The following RBFOX1 variants were observed in gnomAD, a reference collection of about 807,000 sequenced individuals.
The protein encoded by RBFOX1 is RNA binding protein fox-1 homolog 1.
In RBFOX1, 8 loss-of-function variants were observed where a neutral mutation model predicts 57.7. That is an observed-to-expected ratio of 0.14 (90% CI 0.08 to 0.25). The LOEUF (loss-of-function observed/expected upper bound fraction) is 0.25. RBFOX1 is among the 10% of genes least tolerant of loss of function. The pLI, the probability that RBFOX1 is intolerant of heterozygous loss-of-function variation, is 1.00. For missense variants in RBFOX1, 611 were observed against 548.5 expected (o/e 1.11, Z -1.14); for synonymous variants, 326 against 222.4 (o/e 1.47, Z -4.15).
intron 5 of RBFOX1, among the ~76,000 whole-genome samples, chr16:7,521,751 G>A (rs778740470): frequency 1.3e-5 from 2 of 152,176 alleles, no homozygotes; most frequent in African/African-American, 4.8e-5. Context: ...ATAGTCAGAG[G>A]GTTATACCTT....
At chr16:6,107,917 C>A (rs967026370) in intron 1 of RBFOX1, among the ~76,000 whole-genome samples, 1 of 152,072 alleles carries the variant, frequency 6.6e-6, no homozygotes, top group African/African-American at 2.4e-5. Context: ...AGAGTTTTAG[C>A]CATGTTTCCT....
chr16:6,475,260 C>G (rs1299475388), intron 2 of RBFOX1, among the ~76,000 whole-genome samples: 1 of 152,142 alleles, frequency 6.6e-6, no homozygotes, highest in Non-Finnish European at 1.5e-5. Context: ...GGTTGTAATA[C>G]TATTAGAAGA....
chr16:7,216,638 A>G (rs2092096263), intron 4 of RBFOX1, among the ~76,000 whole-genome samples: 1 of 151,248 alleles, frequency 6.6e-6, no homozygotes, highest in African/African-American at 2.4e-5. Flanking sequence ...AGCCTGGGCA[A>G]CAGAGTGAGA....
At chr16:7,296,624 G>A (rs566400173) in intron 4 of RBFOX1, among the ~76,000 whole-genome samples, 63 of 152,306 alleles carry the variant, frequency 4.1e-4, no homozygotes, top group African/African-American at 1.4e-3. Context: ...GTGTGTTTCT[G>A]TAGATGCAGA....
chr16:5,397,628 G>C (rs1425199028), intron 1 of RBFOX1, among the ~76,000 whole-genome samples: 3 of 152,190 alleles, frequency 2.0e-5, no homozygotes, highest in Admixed American at 2.0e-4. Context: ...TAGATGAAAG[G>C]CATGAAGAAA....
At chr16:6,927,735 C>G (rs1219002537) in intron 3 of RBFOX1, among the ~76,000 whole-genome samples, 3 of 151,268 alleles carry the variant, frequency 2.0e-5, no homozygotes, top group East Asian at 3.9e-4. Flanking sequence ...AGTCAGTGCC[C>G]TATGTAAGGC....
At chr16:6,115,508 C>T (rs1597438167) in intron 1 of RBFOX1, among the ~76,000 whole-genome samples, 2 of 152,116 alleles carry the variant, frequency 1.3e-5, no homozygotes, top group Non-Finnish European at 2.9e-5. Flanking sequence ...AAGGGGTGGG[C>T]TATAGTGAGA....
At chr16:7,243,516 C>A (rs1260319786) in intron 4 of RBFOX1, among the ~76,000 whole-genome samples, 1 of 152,076 alleles carries the variant, frequency 6.6e-6, no homozygotes, top group East Asian at 1.9e-4. Flanking sequence ...GAAGGGCTCC[C>A]CAGGAAGTTG....
intron 2 of RBFOX1, among the ~76,000 whole-genome samples, chr16:6,432,265 A>G (rs2094121434): frequency 6.6e-6 from 1 of 152,170 alleles, no homozygotes; most frequent in Middle Eastern, 3.4e-3. Flanking sequence ...CACGTTGCTC[A>G]CCCTGAAAGT....
At chr16:7,571,106 A>T (rs966050551) in intron 5 of RBFOX1, among the ~76,000 whole-genome samples, 1 of 152,180 alleles carries the variant, frequency 6.6e-6, no homozygotes, top group Non-Finnish European at 1.5e-5. Context: ...CAGGATAAAT[A>T]GCTAATGCAT....
At chr16:7,665,843 G>T (rs746190493) in intron 13 of RBFOX1, among the ~76,000 whole-genome samples, 2 of 152,032 alleles carry the variant, frequency 1.3e-5, no homozygotes, top group Non-Finnish European at 2.9e-5. Flanking sequence ...GATGAAATTG[G>T]TATCATGTAC....
At chr16:7,066,191 G>C (rs1360868780) in intron 4 of RBFOX1, among the ~76,000 whole-genome samples, 1 of 152,264 alleles carries the variant, frequency 6.6e-6, no homozygotes, top group East Asian at 1.9e-4. Context: ...CACACTTAGA[G>C]AAAAAGGGAG....
chr16:5,597,477 G>T (rs1021497158), intron 2 of RBFOX1, among the ~76,000 whole-genome samples: 1 of 143,954 alleles, frequency 6.9e-6, no homozygotes, highest in East Asian at 2.1e-4. Context: ...TTGGCTCACT[G>T]CAACCTGTAC....
chr16:6,586,399 C>T (rs1458292515), intron 2 of RBFOX1, among the ~76,000 whole-genome samples: 1 of 152,158 alleles, frequency 6.6e-6, no homozygotes, highest in African/African-American at 2.4e-5. Flanking sequence ...TCCAGTGCGT[C>T]TTAATTTTGT....
intron 2 of RBFOX1, among the ~76,000 whole-genome samples, chr16:6,352,991 T>C (rs758423299): frequency 5.9e-5 from 9 of 152,164 alleles, no homozygotes; most frequent in Non-Finnish European, 4.4e-5. Flanking sequence ...GGCCAGGGTT[T>C]CTGTGGGAAG....
At chr16:6,275,466 A>G (rs1599072538) in intron 1 of RBFOX1, among the ~76,000 whole-genome samples, 1 of 152,190 alleles carries the variant, frequency 6.6e-6, no homozygotes, top group African/African-American at 2.4e-5. Context: ...GCATCTCATA[A>G]CTACCCCGTG....
intron 3 of RBFOX1, among the ~76,000 whole-genome samples, chr16:7,023,200 G>C (rs947465410): frequency 1.3e-5 from 2 of 151,996 alleles, no homozygotes; most frequent in Non-Finnish European, 2.9e-5. Context: ...GAATGGGCTG[G>C]GCATGGTAGC....
rs57410575 is a variant in RBFOX1, at chr16:7,078,863, C to CTTTTTTTTTT, written c.27+26782_27+26791dup. On this transcript the variant is annotated intron_variant, in intron 4 of 15. Coordinates refer to ENST00000550418, the MANE Select transcript of RBFOX1 (RefSeq NM_018723.4). ...ACGCCCAGCTAATTTATATATATAC[C>CTTTTTTTTTT]TTTTTTTTTTTTTTTTTTTTTTTTT... Among the ~76,000 whole-genome samples the CTTTTTTTTTT allele has an allele frequency of 9.5e-5, 5 of 52,746 alleles. 1 individual carries two copies. The highest frequency in any genetic ancestry group is 3.1e-4 in the African/African-American group (4 of 12,788). The allele number at this position is 52,746 out of a possible 152,430, so 34.6% of individuals were successfully genotyped here. A position where few individuals can be genotyped will look rare whatever the true frequency, so the allele number is the denominator to read the frequency against.
intron 4 of RBFOX1, among the ~76,000 whole-genome samples, chr16:7,265,492 A>G (rs1397024526): frequency 6.6e-6 from 1 of 151,954 alleles, no homozygotes; most frequent in Non-Finnish European, 1.5e-5. Context: ...TCTGTCACCC[A>G]GGCTGGAGTG....
Sources: gnomAD v4.1 joint callset for allele counts (sites outside exome capture counted in the v4.1 genomes callset) on GRCh38, gnomAD v4.1.1 for gene constraint, MANE v1.5 for transcripts, NCBI Gene and HGNC (gene_info 2026-07-23, HGNC 2026-07-21) for gene names.